The following PCDHGB4 variants were observed in gnomAD, a reference collection of about 807,000 sequenced individuals.
PCDHGB4 encodes the protein protocadherin gamma subfamily B, 4.
Under a neutral mutation model 60.5 loss-of-function variants are expected in PCDHGB4, and 38 were observed. That is an observed-to-expected ratio of 0.63 (90% CI 0.48 to 0.82). The LOEUF is 0.82. Ranked by LOEUF, PCDHGB4 falls within the 40% of genes least tolerant of loss-of-function variation. The pLI is 0.00. For missense variants in PCDHGB4, 1,109 were observed against 1,209.6 expected (o/e 0.92, Z 1.23); for synonymous variants, 456 against 509.7 (o/e 0.89, Z 1.42).
At chr5:141,475,218 A>G (rs2154572291) in intron 1 of PCDHGB4, among the ~76,000 whole-genome samples, 1 of 152,326 alleles carries the variant, frequency 6.6e-6, no homozygotes, top group African/African-American at 2.4e-5. Flanking sequence ...GGATTGATCA[A>G]GTAAAGGGAA....
intron 2 of PCDHGB4, among the ~76,000 whole-genome samples, chr5:141,495,407 C>T: frequency 6.6e-6 from 1 of 152,218 alleles, no homozygotes; most frequent in East Asian, 1.9e-4. Flanking sequence ...AGGCCCCCTT[C>T]TCCGGCCCCT....
At position 141,408,464 on chromosome 5, in the gene PCDHGB4, A is replaced by G. The variant is rs764186219; in HGVS notation, c.2397+18183A>G. ...GGAGAGCGGGGACTTACTTGTGAAG[A>G]ACCGAATAGACCGTGAGCAAATATG... On this transcript the variant is annotated intron_variant, in intron 1 of 3. Coordinates refer to ENST00000519479, the MANE Select transcript of PCDHGB4 (RefSeq NM_003736.4). The G allele has an allele frequency of 3.8e-5, 61 of 1,613,880 alleles. No homozygotes were observed. Among genetic ancestry groups the G allele is most frequent in the South Asian group, 1.4e-4 (13 of 91,024 alleles).
At chr5:141,401,226 C>T (rs960294428) in intron 1 of PCDHGB4, among the ~76,000 whole-genome samples, 1 of 152,102 alleles carries the variant, frequency 6.6e-6, no homozygotes, top group African/African-American at 2.4e-5. Context: ...CCTGTAATCC[C>T]AGCTACTCAG....
rs1212478322 is a variant in PCDHGB4 at position 141,485,871 on chromosome 5, T to G, written c.2398-8936T>G. ...ACCGCAGAGCTCCGGGTATCCGTGC[T>G]GGACGTAAACGACAACGCCCCAGCC... On this transcript the variant is annotated intron_variant, in intron 1 of 3. Coordinates refer to ENST00000519479, the MANE Select transcript of PCDHGB4 (RefSeq NM_003736.4). The surrounding 1 kb of genome is among the most constrained non-coding windows in gnomAD (Gnocchi z 5.7). 6.2e-7 allele frequency: 1 copy of G among 1,614,196 alleles called. No homozygotes were observed. The highest frequency in any genetic ancestry group is 8.5e-7 in the Non-Finnish European group (1 of 1,180,032).
Position 141,494,803 on chromosome 5 carries a change from A to G in PCDHGB4, c.2398-4A>G. On this transcript the variant is annotated splice_polypyrimidine_tract_variant and splice_region_variant and intron_variant, in intron 1 of 3. Transcript: ENST00000519479. ...CAGCCCCTTTCCCTCTGTTTTCTCC[A>G]CAGCAAGCCCCGCCCAACACGGACT... The G allele has an allele frequency of 6.2e-7, 1 of 1,613,646 alleles. No individual in the cohort carries two copies. Among genetic ancestry groups the G allele is most frequent in the Non-Finnish European group, 8.5e-7 (1 of 1,179,900 alleles).
chr5:141,448,335 A>T (rs567377336), intron 1 of PCDHGB4, among the ~76,000 whole-genome samples: 1 of 152,108 alleles, frequency 6.6e-6, no homozygotes, highest in Non-Finnish European at 1.5e-5. Flanking sequence ...CTTTATAGCC[A>T]TGTACCTCAA....
intron 1 of PCDHGB4, chr5:141,392,678 G>A: frequency 1.1e-6 from 1 of 941,110 alleles, no homozygotes; most frequent in Non-Finnish European, 1.5e-6. Flanking sequence ...CTGCTGGACT[G>A]CAGCGAAACC....
chr5:141,388,332 A>G lies in PCDHGB4; in HGVS notation c.448A>G (p.Thr150Ala). ...LQISESAQPGTRFILGSAHDA... is the reference protein window; with the variant it reads ...LQISESAQPGARFILGSAHDA... Reference sequence around the variant, plus strand: ...AATAAGTGAGTCTGCACAGCCTGGCACACGATTTATATTAGGATCTGCCCA... The same window carrying G: ...AATAAGTGAGTCTGCACAGCCTGGCGCACGATTTATATTAGGATCTGCCCA... Residue 150 changes from threonine to alanine, a missense_variant, in exon 1 of 4, where the codon ACA (threonine) becomes GCA (alanine). Thr to Ala is a moderately conservative substitution (Grantham distance 58, BLOSUM62 0). Coordinates refer to ENST00000519479, the MANE Select transcript of PCDHGB4 (RefSeq NM_003736.4). 1 of 1,614,002 alleles carries G rather than the reference A, an allele frequency of 6.2e-7. No individual in the cohort carries two copies.
intron 1 of PCDHGB4, chr5:141,421,647 G>C: frequency 6.2e-7 from 1 of 1,613,872 alleles, no homozygotes; most frequent in South Asian, 1.1e-5. Context: ...ACGAAGTGGA[G>C]ATAAAAGTCA....
chr5:141,422,494 T>G lies in PCDHGB4; in HGVS notation c.2397+32213T>G, dbSNP rs772798862. On this transcript the variant is annotated intron_variant, in intron 1 of 3. Transcript: ENST00000519479. ...GTTGGTCCAGAGCTACAATATAACG[T>G]TGACAGCCACAGACCAGGGAAGCCC... The G allele has an allele frequency of 3.5e-5, 56 of 1,613,848 alleles. No homozygotes were observed. Among genetic ancestry groups the G allele is most frequent in the Non-Finnish European group, 1.0e-5 (12 of 1,179,896 alleles).
In PCDHGB4 at chr5:141,389,766, C is replaced by T. The variant is rs1217222336; in HGVS notation, c.1882C>T (p.Arg628Cys). Residue 628 changes from arginine (R) to cysteine (C), a missense_variant, in exon 1 of 4, where the codon CGT (arginine) becomes TGT (cysteine). By Grantham distance (180) the Arg-to-Cys change is radical (BLOSUM62 -3). Around this residue, in one of 2 missense-constraint regions of PCDHGB4, gnomAD observed 1,068 missense variants for 1,089.9 expected, o/e 0.98. Transcript: ENST00000519479. The stretch of plus-strand genomic sequence containing the variant: ...GCGCACGGGCGAAGTGCGCACAGCG[C>T]GTGCCTTAGGCGACAGGGACGCCGT... ...GLRTGEVRTA[R>C]ALGDRDAVRQ... 2 of 1,613,060 alleles carry T rather than the reference C, an allele frequency of 1.2e-6. No individual in the cohort carries two copies. The highest frequency in any genetic ancestry group is 4.5e-5 in the East Asian group (2 of 44,864).
intron 1 of PCDHGB4, chr5:141,395,102 G>C: frequency 6.2e-7 from 1 of 1,614,172 alleles, no homozygotes; most frequent in Non-Finnish European, 8.5e-7. Flanking sequence ...CCGCCGACTC[G>C]CGGAAGAGTC....
intron 1 of PCDHGB4, chr5:141,392,605 C>CAA: frequency 1.9e-6 from 1 of 514,610 alleles, no homozygotes; most frequent in Non-Finnish European, 3.4e-6. Context: ...TACTGGAAGA[C>CAA]AAATGCAACC....
At chr5:141,420,025 T>A in intron 1 of PCDHGB4, 1 of 1,614,096 alleles carries the variant, frequency 6.2e-7, no homozygotes, top group Non-Finnish European at 8.5e-7. Context: ...TCAGCCCTAC[T>A]GCAGGAGACT....
chr5:141,404,002 A>T, intron 1 of PCDHGB4: 1 of 1,613,928 alleles, frequency 6.2e-7, no homozygotes, highest in Non-Finnish European at 8.5e-7. Flanking sequence ...TGACCATTAC[A>T]TCTCTGTTTA....
chr5:141,422,997 C>G, intron 1 of PCDHGB4: 1 of 1,614,218 alleles, frequency 6.2e-7, no homozygotes, highest in South Asian at 1.1e-5. Flanking sequence ...ACCTGGTGAC[C>G]AAGGTGGTTG....
At chr5:141,506,444 CAAA>C (rs1219684339) in intron 3 of PCDHGB4, among the ~76,000 whole-genome samples, 12 of 95,004 alleles carry the variant, frequency 1.3e-4, no homozygotes, top group Admixed American at 3.3e-4. Context: ...CGCTCTGTCT[CAAA>C]AAAAAAAAAA....
chr5:141,431,476 A>G lies in PCDHGB4; in HGVS notation c.2397+41195A>G, dbSNP rs975772031. 1.9e-6 allele frequency: 3 copies of G among 1,613,864 alleles called. No homozygotes were observed. Among genetic ancestry groups the G allele is most frequent in the Admixed American group, 3.3e-5 (2 of 60,032 alleles). ...TGGTTCTGGATGCGAACGACAACGC[A>G]CCAGCGTTTGCTCAGCCCGAGTACC... On this transcript the variant is annotated intron_variant, in intron 1 of 3. Coordinates refer to ENST00000519479, the MANE Select transcript of PCDHGB4 (RefSeq NM_003736.4). This position sits in a 1 kb window ranked among gnomAD's most constrained non-coding sequence, Gnocchi z 4.8.
At chr5:141,418,436 G>A in intron 1 of PCDHGB4, 1 of 1,614,000 alleles carries the variant, frequency 6.2e-7, no homozygotes. Flanking sequence ...CAAATATCCA[G>A]AATTAGTATT....
Sources: gnomAD v4.1 joint callset for allele counts (sites outside exome capture counted in the v4.1 genomes callset) on GRCh38, gnomAD v4.1.1 for gene constraint, gnomAD v4.1.1 regional missense constraint, Gnocchi (gnomAD v3.1) non-coding constraint, MANE v1.5 for transcripts, NCBI Gene and HGNC (gene_info 2026-07-23, HGNC 2026-07-21) for gene names.